The following DYNC2H1 variants were observed in gnomAD, a reference collection of about 807,000 sequenced individuals.
DYNC2H1 encodes the protein cytoplasmic dynein 2 heavy chain 1.
DYNC2H1 carries 410 observed loss-of-function variants against 570.0 expected under a neutral mutation model. The observed-to-expected ratio is 0.72, with a 90% CI of 0.66 to 0.78. The LOEUF (loss-of-function observed/expected upper bound fraction) is 0.78. DYNC2H1 is among the 30% of genes least tolerant of loss of function. The probability of loss-of-function intolerance (pLI) is 0.00; values close to 1 mark genes in which losing one functional copy is unlikely to be tolerated. For synonymous variants in DYNC2H1, 1,688 were observed against 1,677.6 expected (o/e 1.01, Z -0.15); for missense variants, 4,865 against 5,046.4 (o/e 0.96, Z 1.09).
At chr11:103,124,309 T>C (rs899078229) in intron 11 of DYNC2H1, among the ~76,000 whole-genome samples, 8 of 151,664 alleles carry the variant, frequency 5.3e-5, no homozygotes, top group African/African-American at 1.9e-4. Flanking sequence ...TAGCCGAACA[T>C]GGTGGCTTGC....
chr11:103,375,023 C>T (rs71480487), intron 83 of DYNC2H1, among the ~76,000 whole-genome samples: 1 of 152,210 alleles, frequency 6.6e-6, no homozygotes, highest in Non-Finnish European at 1.5e-5. Flanking sequence ...AAAATGGTTT[C>T]TTGGGCCAGG....
intron 84 of DYNC2H1, among the ~76,000 whole-genome samples, chr11:103,416,371 G>A (rs1943283905): frequency 6.6e-6 from 1 of 152,100 alleles, no homozygotes; most frequent in South Asian, 2.1e-4. Flanking sequence ...AGCCTGTATA[G>A]CCAAGACAAT....
rs1859515171 is a variant in DYNC2H1, at chr11:103,135,947, A to C, written c.2573A>C (p.Lys858Thr). 2.5e-6 allele frequency: 4 copies of C among 1,599,392 alleles called. No homozygotes were observed. In the East Asian group the frequency reaches 8.9e-5, roughly 36 times the overall value. Residue 858 changes from lysine (K) to threonine (T), a missense_variant and splice_region_variant, in exon 17 of 89, where the codon AAG becomes ACG. Around this residue, in one of 5 missense-constraint regions of DYNC2H1, gnomAD observed 1,936 missense variants for 1,962.1 expected, o/e 0.99. Transcript: ENST00000375735. ...RRLSAVLHQH[K>T]EWIVIGQVDM... ...TTGTCAGCTGTTTTACACCAACATA[A>C]GGTATAGAACATGTAATGTTCCATC... is the stretch of plus-strand genomic sequence containing the variant.
At chr11:103,172,652 G>C (rs916294462) in intron 34 of DYNC2H1, among the ~76,000 whole-genome samples, 1 of 151,892 alleles carries the variant, frequency 6.6e-6, no homozygotes, top group Non-Finnish European at 1.5e-5. Flanking sequence ...CACTATGATT[G>C]CCTCTCTGTA....
Position 103,143,381 on chromosome 11 carries a change from A to G in DYNC2H1, c.2688A>G (p.Val896=), listed in dbSNP as rs750814000. 1.9e-6 allele frequency: 3 copies of G among 1,610,858 alleles called. No individual in the cohort carries two copies. Among genetic ancestry groups the G allele is most frequent in the Non-Finnish European group, 1.7e-6 (2 of 1,178,822 alleles). The part of the protein sequence containing the change: ...FKALKIKGKE[V]ERLPSAVKVD... Reference sequence around the variant, plus strand: ...CATTAAAAATAAAGGGGAAAGAAGTAGAACGACTTCCAAGGTATTGGAGGT... The same window carrying G: ...CATTAAAAATAAAGGGGAAAGAAGTGGAACGACTTCCAAGGTATTGGAGGT... Residue 896 remains valine (V), a synonymous_variant, in exon 18 of 89, where the codon GTA becomes GTG. Transcript: ENST00000375735.
Position 103,287,546 on chromosome 11 carries a change from A to G in DYNC2H1, c.11036A>G (p.Gln3679Arg). ...VSLFQQILVV[Q>R]ALRPDRLQSA... ...TTTTATTTTAAGATTCTTGTAGTAC[A>G]GGCGCTAAGACCGGACAGATTGCAA... The change falls in exon 75 of 89, where the codon CAG (glutamine) becomes CGG (arginine). Residue 3679 changes from glutamine to arginine, a missense_variant. Around this residue, in one of 5 missense-constraint regions of DYNC2H1, gnomAD observed 2,401 missense variants for 2,454.6 expected, o/e 0.98. Coordinates refer to ENST00000375735, the MANE Select transcript of DYNC2H1 (RefSeq NM_001377.3). The G allele has an allele frequency of 6.2e-7, 1 of 1,609,666 alleles. No individual in the cohort carries two copies. The highest frequency in any genetic ancestry group is 8.5e-7 in the Non-Finnish European group (1 of 1,177,944).
rs1860767953 is a variant in DYNC2H1, at chr11:103,155,393, C to T, written c.3636C>T (p.Asp1212=). The change falls in exon 25 of 89, where the codon GAC becomes GAT. Residue 1212 remains aspartate, a synonymous_variant. Coordinates refer to ENST00000375735, the MANE Select transcript of DYNC2H1 (RefSeq NM_001377.3). ...GEHLSPDHWL[D]LFRLLGLPRG... Reference sequence around the variant, plus strand: ...ATCTTTCTCCAGATCACTGGCTTGACCTTTTTCGTCTCCTTGGACTTCCTA... The same window carrying T: ...ATCTTTCTCCAGATCACTGGCTTGATCTTTTTCGTCTCCTTGGACTTCCTA... 1.2e-6 allele frequency: 2 copies of T among 1,611,738 alleles called. No homozygotes were observed. Among genetic ancestry groups the T allele is most frequent in the Non-Finnish European group, 1.7e-6 (2 of 1,178,918 alleles).
At chr11:103,399,139 TTTTTTTTTTG>T (rs1048594716) in intron 83 of DYNC2H1, among the ~76,000 whole-genome samples, 4 of 95,036 alleles carry the variant, frequency 4.2e-5, no homozygotes, top group Non-Finnish European at 8.0e-5. Context: ...TCCCACACCG[TTTTTTTTTTG>T]TTTTTTTTTT....
chr11:103,121,594 G>C, intron 10 of DYNC2H1, 98 bp downstream of exon 10: 1 of 1,298,764 alleles, frequency 7.7e-7, no homozygotes, highest in Non-Finnish European at 1.0e-6. Context: ...TATATTCTCT[G>C]TTTTCCTTGG....
chr11:103,227,709 G>C (rs532200357), intron 59 of DYNC2H1, among the ~76,000 whole-genome samples: 7 of 152,088 alleles, frequency 4.6e-5, no homozygotes, highest in African/African-American at 1.7e-4. Flanking sequence ...TTTGTTGTAG[G>C]GTATAGTTTA....
chr11:103,231,931 A>G (rs1864028581), intron 60 of DYNC2H1, among the ~76,000 whole-genome samples: 1 of 151,822 alleles, frequency 6.6e-6, no homozygotes, highest in South Asian at 2.1e-4. Flanking sequence ...ATATATACTT[A>G]TAGAGAAATA....
intron 84 of DYNC2H1, chr11:103,404,806 A>T (rs1018353936): frequency 2.0e-5 from 3 of 151,798 alleles, no homozygotes; most frequent in Non-Finnish European, 4.4e-5. Flanking sequence ...TCCTACTGTG[A>T]ATAGGAAAAT....
chr11:103,148,465 C>T (rs754753031), intron 19 of DYNC2H1, 25 bp from the exon 20 acceptor site: 1 of 1,541,966 alleles, frequency 6.5e-7, no homozygotes, highest in Non-Finnish European at 8.8e-7. Context: ...ATTAACATTT[C>T]TTGTATTTCA....
chr11:103,436,197 A>ATT lies in DYNC2H1; in HGVS notation c.12456+180_12456+181dup, dbSNP rs140294172. On this transcript the variant is annotated intron_variant, in intron 85 of 88. Transcript: ENST00000375735. The stretch of plus-strand genomic sequence containing the variant: ...TGTTATTTTTGTATAGCACTGTTCT[A>ATT]TTTTTTTTTTTTTTTTACAAAATGT... Among the ~76,000 whole-genome samples, 1,444 of 145,120 alleles carry ATT rather than the reference A, an allele frequency of 1.0e-2. 23 individuals are homozygous for ATT. The highest frequency in any genetic ancestry group is 0.034 in the African/African-American group (1,346 of 39,984).
rs1865273543 is a variant in DYNC2H1 at position 103,261,331 on chromosome 11, AG to A, written c.10695+1355del. On this transcript the variant is annotated intron_variant, in intron 70 of 88. Transcript: ENST00000375735. This position sits in a 1 kb window ranked among gnomAD's most constrained non-coding sequence, Gnocchi z 4.8. ...GAAGAGAGCATCGGATCTCCAACACAGAGCTTGAGCTCTGCTAAGGGACAGA... is the reference window on the plus strand; with the variant it reads ...GAAGAGAGCATCGGATCTCCAACACAAGCTTGAGCTCTGCTAAGGGACAGA... Among the ~76,000 whole-genome samples the A allele has an allele frequency of 2.6e-5, 4 of 152,202 alleles. No individual in the cohort carries two copies. The highest frequency in any genetic ancestry group is 5.9e-5 in the Non-Finnish European group (4 of 68,044).
At chr11:103,409,375 C>T (rs751459852) in intron 84 of DYNC2H1, among the ~76,000 whole-genome samples, 5 of 151,290 alleles carry the variant, frequency 3.3e-5, no homozygotes, top group Non-Finnish European at 5.9e-5. Flanking sequence ...ATTAGTCCAA[C>T]GTAATGTTAG....
At chr11:103,314,669 A>C (rs938249590) in intron 79 of DYNC2H1, among the ~76,000 whole-genome samples, 4 of 151,976 alleles carry the variant, frequency 2.6e-5, no homozygotes, top group Admixed American at 6.6e-5. Flanking sequence ...GGAGAATGTC[A>C]CTTTTTTTCA....
rs1243969076 is a variant in DYNC2H1, at chr11:103,185,262, AT to A, written c.6633+212del. ...TGTTTGATAATATTATTAACATTTT[AT>A]AAAATAATGTTTTATAAGTTAAAGT... On this transcript the variant is annotated intron_variant, in intron 41 of 88. Coordinates refer to ENST00000375735, the MANE Select transcript of DYNC2H1 (RefSeq NM_001377.3). This position sits in a 1 kb window ranked among gnomAD's most constrained non-coding sequence, Gnocchi z 4.5. Among the ~76,000 whole-genome samples the A allele has an allele frequency of 6.6e-6, 1 of 151,848 alleles. No homozygotes were observed. Among genetic ancestry groups the A allele is most frequent in the African/African-American group, 2.4e-5 (1 of 41,416 alleles).
rs762618094 is a variant in DYNC2H1, at chr11:103,125,299, T to G, written c.1857+4T>G. The G allele has an allele frequency of 1.9e-6, 3 of 1,584,904 alleles. No homozygotes were observed. Among genetic ancestry groups the G allele is most frequent in the Non-Finnish European group, 8.6e-7 (1 of 1,163,910 alleles). On this transcript the variant is annotated splice_donor_region_variant and intron_variant, in intron 12 of 88. Coordinates refer to ENST00000375735, the MANE Select transcript of DYNC2H1 (RefSeq NM_001377.3). ...GCAAGCAATTATTCTTAAACAAGTA[T>G]GAAATTACATTTTTTGAATACCTGC...
Sources: allele counts gnomAD v4.1 joint callset (sites outside exome capture counted in the v4.1 genomes callset), GRCh38; gene constraint gnomAD v4.1.1; regional missense constraint gnomAD v4.1.1; non-coding constraint Gnocchi (gnomAD v3.1); transcripts MANE v1.5; gene names NCBI Gene and HGNC (gene_info 2026-07-23, HGNC 2026-07-21).